The following CCDC7 variants were observed in gnomAD, a reference collection of about 807,000 sequenced individuals.
CCDC7 encodes the protein coiled-coil domain-containing protein 7.
A neutral mutation model predicts 196.9 loss-of-function variants in CCDC7; 183 were observed. The ratio of observed to expected loss-of-function variants is 0.93; its 90% CI spans 0.82 to 1.05. The LOEUF (loss-of-function observed/expected upper bound fraction) is 1.05, where lower values mean the gene tolerates loss of function less well. Ranked by LOEUF, CCDC7 falls within the 50% of genes least tolerant of loss-of-function variation. The pLI, the probability that CCDC7 is intolerant of heterozygous loss-of-function variation, is 0.00. For synonymous variants in CCDC7, 525 were observed against 484.6 expected (o/e 1.08, Z -1.10); for missense variants, 1,540 against 1,482.2 (o/e 1.04, Z -0.64).
chr10:32,689,986 C>T (rs558815069), intron 23 of CCDC7, among the ~76,000 whole-genome samples: 141 of 152,270 alleles, frequency 9.3e-4, no homozygotes, highest in African/African-American at 3.1e-3. Flanking sequence ...CCACCCGCCT[C>T]GGCCTCCCAA....
At chr10:32,813,868 T>C (rs958778103) in intron 30 of CCDC7, among the ~76,000 whole-genome samples, 1 of 152,232 alleles carries the variant, frequency 6.6e-6, no homozygotes, top group African/African-American at 2.4e-5. Context: ...GCTTATATAA[T>C]TGTTAACATC....
At chr10:32,660,396 A>G (rs1443586196) in intron 20 of CCDC7, among the ~76,000 whole-genome samples, 2 of 137,608 alleles carry the variant, frequency 1.5e-5, no homozygotes, top group Admixed American at 7.7e-5. Flanking sequence ...TGTTCTTGCG[A>G]TAGTTTACTG....
At chr10:32,511,444 T>A (rs1023025304) in intron 9 of CCDC7, 2 of 1,607,968 alleles carry the variant, frequency 1.2e-6, no homozygotes, top group African/African-American at 2.7e-5. Context: ...TGTCTGTTAT[T>A]TCCTTGACTC....
rs571713286 is a variant in CCDC7, at chr10:32,791,016, G to C, written c.3013+11932G>C. The stretch of plus-strand genomic sequence containing the variant: ...TTTCATTACTATGGGAAAAATGAGA[G>C]CAGGAGGTACTCCTGAAGCCTTTGT... On this transcript the variant is annotated intron_variant, in intron 29 of 41. Transcript: ENST00000639629. Among the ~76,000 whole-genome samples, 38 of 152,298 alleles carry C rather than the reference G, an allele frequency of 2.5e-4. No individual in the cohort carries two copies. The South Asian group carries it at 6.6e-3, about 27-fold the overall frequency.
intron 15 of CCDC7, 90 bp downstream of exon 16, chr10:32,567,981 T>G: frequency 1.6e-6 from 2 of 1,244,994 alleles, no homozygotes; most frequent in Non-Finnish European, 2.1e-6. Context: ...ATATGTTATT[T>G]AAAAATTCAT....
rs530490668 is a variant in CCDC7 at position 32,492,107 on chromosome 10, T to C, written c.872+110T>C. 2.9e-6 allele frequency: 3 copies of C among 1,047,704 alleles called. No individual in the cohort carries two copies. In the African/African-American group the frequency reaches 5.1e-5, roughly 18 times the overall value. The allele number at this position is 1,047,704 out of a possible 1,614,324, so 64.9% of individuals were successfully genotyped here. A position where few individuals can be genotyped will look rare whatever the true frequency, so the allele number is the denominator to read the frequency against. On this transcript the variant is annotated intron_variant, in intron 9 of 41. Transcript: ENST00000639629. ...TTCATTGAAAAAAGTTAGTACGTGT[T>C]TATTGCAGAAATATTGAAAACATAA...
At chr10:32,489,257 G>T (rs2041785486) in intron 8 of CCDC7, among the ~76,000 whole-genome samples, 1 of 152,182 alleles carries the variant, frequency 6.6e-6, no homozygotes, top group Admixed American at 6.6e-5. Context: ...GTCTACTGCT[G>T]CTCTGAGGAC....
At chr10:32,620,624 A>G (rs574651845) in intron 18 of CCDC7, among the ~76,000 whole-genome samples, 1 of 152,280 alleles carries the variant, frequency 6.6e-6, no homozygotes, top group East Asian at 1.9e-4. Context: ...ATGGAGAGAC[A>G]CTGCTAGACA....
chr10:32,694,595 A>G (rs561364546), intron 23 of CCDC7, among the ~76,000 whole-genome samples: 3 of 152,244 alleles, frequency 2.0e-5, no homozygotes, highest in Admixed American at 1.3e-4. Context: ...ATGCATTTTT[A>G]TTTTTATTTC....
At chr10:32,662,610 A>G (rs998677776) in intron 20 of CCDC7, among the ~76,000 whole-genome samples, 1 of 152,148 alleles carries the variant, frequency 6.6e-6, no homozygotes, top group Non-Finnish European at 1.5e-5. Context: ...CTAGAGCCAT[A>G]GATGTCTTTG....
At chr10:32,620,515 T>G (rs373119003) in intron 18 of CCDC7, among the ~76,000 whole-genome samples, 8 of 152,196 alleles carry the variant, frequency 5.3e-5, no homozygotes, top group African/African-American at 1.7e-4. Context: ...GATTTTTTTT[T>G]TGTGGGTAAT....
intron 13 of CCDC7, among the ~76,000 whole-genome samples, chr10:32,564,062 A>G (rs990877403): frequency 3.0e-4 from 45 of 152,152 alleles, no homozygotes; most frequent in African/African-American, 1.1e-3. Flanking sequence ...GCTCATCATC[A>G]CTGGCCATCA....
intron 25 of CCDC7, 45 bp downstream of exon 26, chr10:32,711,775 C>T (rs756951974): frequency 1.6e-5 from 19 of 1,185,602 alleles, no homozygotes; most frequent in Middle Eastern, 2.4e-4. Context: ...TTAAGTAAAT[C>T]TCAAAAGAAC....
At chr10:32,583,405 T>C in intron 17 of CCDC7, 98 bp downstream of exon 18, 6 of 811,786 alleles carry the variant, frequency 7.4e-6, no homozygotes, top group Non-Finnish European at 9.9e-6. Context: ...TTCAATATTT[T>C]CTTATTTCAA....
intron 8 of CCDC7, among the ~76,000 whole-genome samples, chr10:32,479,469 A>G (rs1013744233): frequency 1.3e-5 from 2 of 152,146 alleles, no homozygotes; most frequent in African/African-American, 4.8e-5. Context: ...TGAGGCTATC[A>G]TATGATTTTT....
rs188769415 is a variant in CCDC7, at chr10:32,473,200, A to C, written c.739+658A>C. 2.6e-3 allele frequency among the ~76,000 whole-genome samples: 393 copies of C among 152,346 alleles called. 7 individuals are homozygous for C. Among genetic ancestry groups the C allele is most frequent in the Non-Finnish European group, 3.3e-3 (227 of 68,028 alleles). On this transcript the variant is annotated intron_variant, in intron 7 of 41. Coordinates refer to ENST00000639629, the Ensembl canonical transcript of CCDC7. Reference sequence around the variant, plus strand: ...CATGATAAAGGTATGTGGAATTTGCATTGGGTCCACAGAAAGGAGCAATCT... The same window carrying C: ...CATGATAAAGGTATGTGGAATTTGCCTTGGGTCCACAGAAAGGAGCAATCT...
At chr10:32,506,299 C>A (rs61595313) in intron 9 of CCDC7, among the ~76,000 whole-genome samples, 2 of 149,236 alleles carry the variant, frequency 1.3e-5, no homozygotes, top group Admixed American at 1.3e-4. Context: ...AGACGATGGG[C>A]GGCCAGGCAG....
At chr10:32,540,340 A>T (rs1257663450) in intron 11 of CCDC7, among the ~76,000 whole-genome samples, 1 of 152,006 alleles carries the variant, frequency 6.6e-6, no homozygotes, top group Non-Finnish European at 1.5e-5. Context: ...TTAGGTTTGC[A>T]ACTCCTGCTT....
chr10:32,474,057 A>G, intron 8 of CCDC7, 34 bp downstream of exon 9: 1 of 1,594,322 alleles, frequency 6.3e-7, no homozygotes, highest in Non-Finnish European at 8.6e-7. Context: ...TTATTGTGAT[A>G]ATAACCTCTG....
Sources: gnomAD v4.1 joint callset for allele counts (sites outside exome capture counted in the v4.1 genomes callset) on GRCh38, gnomAD v4.1.1 for gene constraint, MANE v1.5 for transcripts, NCBI Gene and HGNC (gene_info 2026-07-23, HGNC 2026-07-21) for gene names.